Variants in SYNPO observed in about 807,000 individuals in gnomAD.
SYNPO encodes synaptopodin.
In SYNPO, 19 loss-of-function variants were observed where a neutral mutation model predicts 49.5. The ratio of observed to expected loss-of-function variants is 0.38; its 90% CI spans 0.27 to 0.56. SYNPO has a LOEUF of 0.56. Among genes scored for constraint, SYNPO ranks in the 20% least tolerant of loss-of-function variants. The pLI, the probability that SYNPO is intolerant of heterozygous loss-of-function variation, is 0.68. For synonymous variants in SYNPO, 536 were observed against 548.0 expected, an observed-to-expected ratio of 0.98 and a Z score of 0.31; for missense variants, 1,131 against 1,248.3, an observed-to-expected ratio of 0.91 and a Z score of 1.42.
upstream of SYNPO, chr5:150,640,069 G>C (rs917537840): frequency 1.1e-6 from 1 of 924,250 alleles, no homozygotes; most frequent in Admixed American, 6.2e-5. Flanking sequence ...GATGAGGATA[G>C]TGCTGGCCTC....
chr5:150,651,258 GGAAC>G lies in SYNPO; in HGVS notation c.2028+957_2028+960del, dbSNP rs1758372870. On this transcript the variant is annotated intron_variant, in intron 2 of 2. Transcript: ENST00000307662. Reference sequence around the variant, plus strand: ...CTAAAAGAAGCCACCTCAGCGCAGTGGAACGGGGCCCAGGGGGAGGCAGGAGAGG... The same window carrying G: ...CTAAAAGAAGCCACCTCAGCGCAGTGGGGGCCCAGGGGGAGGCAGGAGAGG... 3.0e-6 allele frequency: 3 copies of G among 1,001,752 alleles called. No homozygotes were observed. The South Asian group carries it at 1.4e-4, about 47-fold the overall frequency. The allele number at this position is 1,001,752 out of a possible 1,614,324, so 62.1% of individuals were successfully genotyped here.
At chr5:150,620,123 C>A (rs898230427) in intron 2 of SYNPO, among the ~76,000 whole-genome samples, 3 of 152,166 alleles carry the variant, frequency 2.0e-5, no homozygotes, top group Non-Finnish European at 4.4e-5. Context: ...CTAGCAAATC[C>A]CTTCCCCTTG....
chr5:150,593,607 G>A, the SYNPO span, among the ~76,000 whole-genome samples: 13 of 152,078 alleles, frequency 8.5e-5, no homozygotes, highest in Non-Finnish European at 1.3e-4. Context: ...GACTACAGGC[G>A]TTCACCACCA....
chr5:150,641,781 G>C (rs1490211673), intron 1 of SYNPO, among the ~76,000 whole-genome samples: 1 of 152,216 alleles, frequency 6.6e-6, no homozygotes, highest in African/African-American at 2.4e-5. Flanking sequence ...CTCCTGAAAG[G>C]AAGAAGTGGA....
chr5:150,640,582 G>T (rs1027945077), upstream of SYNPO: 18 of 920,340 alleles, frequency 2.0e-5, no homozygotes, highest in Non-Finnish European at 2.2e-5. Context: ...ATCTGGCAGC[G>T]TGGGGCGGGT....
Position 150,648,098 on chromosome 5 carries a change from C to T in SYNPO, c.-178C>T. ...GCCGGCAGAGGGTGAACGAGTTCACCTTGGAGAGCCACGGCCAGAGGGGAC... is the reference window on the plus strand; with the variant it reads ...GCCGGCAGAGGGTGAACGAGTTCACTTTGGAGAGCCACGGCCAGAGGGGAC... On this transcript the variant is annotated 5_prime_UTR_variant, in exon 2 of 3. Transcript: ENST00000307662. This position sits in a 1 kb window ranked among gnomAD's most constrained non-coding sequence, Gnocchi z 5.0. 1 of 1,551,850 alleles carries T rather than the reference C, an allele frequency of 6.4e-7. No individual in the cohort carries two copies. Among genetic ancestry groups the T allele is most frequent in the South Asian group, 1.2e-5 (1 of 84,088 alleles).
In SYNPO at chr5:150,633,722, A is replaced by G. The variant is rs889302137; in HGVS notation, c.401-14222A>G. Among the ~76,000 whole-genome samples the G allele has an allele frequency of 2.0e-5, 3 of 152,216 alleles. 1 individual carries two copies. The highest frequency in any genetic ancestry group is 4.4e-5 in the Non-Finnish European group (3 of 68,030). ...CTGCCTCAGTTTTCTAGTCTGTAAA[A>G]TGGTGTAACAATCCTTGCTCTGTCT... On this transcript the variant is annotated intron_variant, in intron 2 of 2. Transcript: ENST00000394243.
chr5:150,625,771 C>T (rs1757335700), intron 2 of SYNPO, among the ~76,000 whole-genome samples: 1 of 151,934 alleles, frequency 6.6e-6, no homozygotes, highest in African/African-American at 2.4e-5. Flanking sequence ...GGGCGTATTC[C>T]GGAAGGTGCC....
At chr5:150,621,882 T>G (rs988429016) in intron 2 of SYNPO, among the ~76,000 whole-genome samples, 4 of 152,132 alleles carry the variant, frequency 2.6e-5, no homozygotes, top group African/African-American at 9.7e-5. Context: ...AGTGTAGAGC[T>G]CATGATCAGG....
At chr5:150,591,357 C>G in the SYNPO span, among the ~76,000 whole-genome samples, 1 of 152,212 alleles carries the variant, frequency 6.6e-6, no homozygotes. Flanking sequence ...ACCTCTCCCC[C>G]AGAACTGCAG....
At chr5:150,587,866 T>G in the SYNPO span, among the ~76,000 whole-genome samples, 1 of 152,134 alleles carries the variant, frequency 6.6e-6, no homozygotes, top group Non-Finnish European at 1.5e-5. Context: ...TTGGGACAAG[T>G]CATTGGGACT....
At chr5:150,618,156 T>G in exon 2 of SYNPO, 1 of 548,070 alleles carries the variant, frequency 1.8e-6, no homozygotes, top group Non-Finnish European at 3.1e-6. Flanking sequence ...GGATTGGAGG[T>G]CCACCACTCC....
rs1758199176 is a variant in SYNPO at position 150,648,515 on chromosome 5, C to T, written c.240C>T (p.Leu80=). Residue 80 remains leucine, a synonymous_variant, in exon 2 of 3, where the codon CTC becomes CTT. Transcript: ENST00000307662. The surrounding 1 kb of genome is among the most constrained non-coding windows in gnomAD (Gnocchi z 5.0). ...ACCTTGCCTCGCCCAGTGCCACGCTCACCACACCAACTTCTAACAGCAGCC... is the reference window on the plus strand; with the variant it reads ...ACCTTGCCTCGCCCAGTGCCACGCTTACCACACCAACTTCTAACAGCAGCC... The part of the protein sequence containing the change: ...NQNLASPSAT[L]TTPTSNSSHN... 3.1e-6 allele frequency: 5 copies of T among 1,614,102 alleles called. No homozygotes were observed. The African/African-American group carries it at 4.0e-5, about 13-fold the overall frequency.
chr5:150,610,578 G>A (rs546411505), intron 1 of SYNPO, among the ~76,000 whole-genome samples: 1 of 152,188 alleles, frequency 6.6e-6, no homozygotes, highest in African/African-American at 2.4e-5. Flanking sequence ...TATTCAATAC[G>A]TGGTAGCTCT....
At chr5:150,614,703 G>T (rs61399940) in intron 1 of SYNPO, 13 of 152,304 alleles carry the variant, frequency 8.5e-5, no homozygotes, top group African/African-American at 3.1e-4. Context: ...CCAGATGAGG[G>T]TCATGAATCT....
In SYNPO at chr5:150,648,161, A is replaced by T; in HGVS notation, c.-115A>T. On this transcript the variant is annotated 5_prime_UTR_variant, in exon 2 of 3. Coordinates refer to ENST00000307662, the MANE Select transcript of SYNPO (RefSeq NM_007286.6). This position sits in a 1 kb window ranked among gnomAD's most constrained non-coding sequence, Gnocchi z 5.0. ...AGGAGTCCCTCAGAGTGCTCCCTTC[A>T]AGCCTCCCAGGCCATGCACCGGGGC... 6.4e-7 allele frequency: 1 copy of T among 1,558,028 alleles called. No individual in the cohort carries two copies. Among genetic ancestry groups the T allele is most frequent in the Non-Finnish European group, 8.7e-7 (1 of 1,150,494 alleles).
Position 150,656,554 on chromosome 5 carries a change from C to G in SYNPO, c.2179C>G (p.Pro727Ala), listed in dbSNP as rs751410688. The part of the protein sequence containing the change: ...SSPPPLPPPP[P>A]MSPSWSERSV... The stretch of plus-strand genomic sequence containing the variant: ...CCCCCCGCCGCTGCCGCCGCCACCG[C>G]CCATGTCTCCCTCGTGGAGCGAGCG... The change falls in exon 3 of 3, where the codon CCC (proline) becomes GCC (alanine). Residue 727 changes from proline to alanine, a missense_variant. Coordinates refer to ENST00000307662, the MANE Select transcript of SYNPO (RefSeq NM_007286.6). 1 of 1,528,594 alleles carries G rather than the reference C, an allele frequency of 6.5e-7. No homozygotes were observed. Among genetic ancestry groups the G allele is most frequent in the African/African-American group, 1.4e-5 (1 of 71,880 alleles). 94.7% of individuals were successfully genotyped at this position (1,528,594 alleles called of 1,614,324 possible). A position where few individuals can be genotyped will look rare whatever the true frequency, so the allele number is the denominator to read the frequency against.
chr5:150,613,877 G>A (rs969032217), intron 1 of SYNPO, among the ~76,000 whole-genome samples: 1 of 152,188 alleles, frequency 6.6e-6, no homozygotes, highest in Non-Finnish European at 1.5e-5. Flanking sequence ...CTAATGCTCA[G>A]CACCCCTCAC....
chr5:150,650,842 A>G, intron 2 of SYNPO: 1 of 1,274,648 alleles, frequency 7.8e-7, no homozygotes. Flanking sequence ...CTGGATTCTC[A>G]CCTCCATGGG....
Sources: allele counts gnomAD v4.1 joint callset (sites outside exome capture counted in the v4.1 genomes callset), GRCh38; gene constraint gnomAD v4.1.1; non-coding constraint Gnocchi (gnomAD v3.1); transcripts MANE v1.5; gene names NCBI Gene and HGNC (gene_info 2026-07-23, HGNC 2026-07-21).